KIAA1217: variants seen among roughly 807,000 people sequenced by gnomAD.
KIAA1217 encodes KIAA1217, also known as sickle tail protein homolog.
Under a neutral mutation model 163.9 loss-of-function variants are expected in KIAA1217, and 88 were observed. The ratio of observed to expected loss-of-function variants is 0.54; its 90% CI spans 0.45 to 0.64. The LOEUF (loss-of-function observed/expected upper bound fraction) is 0.64, where lower values mean the gene tolerates loss of function less well. Ranked by LOEUF, KIAA1217 falls within the 30% of genes least tolerant of loss-of-function variation. KIAA1217 has a pLI of 0.00. For synonymous variants in KIAA1217, 903 were observed against 923.1 expected, an observed-to-expected ratio of 0.98 and a Z score of 0.39; for missense variants, 2,372 against 2,475.0, an observed-to-expected ratio of 0.96 and a Z score of 0.88.
Position 24,345,736 on chromosome 10 carries a change from T to TG in KIAA1217, c.355-35126dup, listed in dbSNP as rs563189578. Among the ~76,000 whole-genome samples the TG allele has an allele frequency of 1.9e-4, 29 of 152,214 alleles. No homozygotes were observed. The East Asian group carries it at 2.9e-3, about 15-fold the overall frequency. Reference sequence around the variant, plus strand: ...CTAGGAGTTGGTGATTTTTTTTGGGTGGGGGGGTCGCTTTTTTCCCCCTTT... The same window carrying TG: ...CTAGGAGTTGGTGATTTTTTTTGGGTGGGGGGGGTCGCTTTTTTCCCCCTTT... On this transcript the variant is annotated intron_variant, in intron 2 of 20. Coordinates refer to ENST00000376454, the MANE Select transcript of KIAA1217 (RefSeq NM_019590.5).
In KIAA1217 at chr10:24,533,181, T is replaced by A. The variant is rs2073381344; in HGVS notation, c.3358T>A (p.Ser1120Thr). 12 of 1,613,400 alleles carry A rather than the reference T, an allele frequency of 7.4e-6. No individual in the cohort carries two copies. Among genetic ancestry groups the A allele is most frequent in the Non-Finnish European group, 1.0e-5 (12 of 1,179,794 alleles). The change falls in exon 16 of 21, where the codon TCA becomes ACA. Residue 1120 changes from serine (S) to threonine (T), a missense_variant. Physicochemically the swap from Ser to Thr is moderately conservative, Grantham distance 58 (BLOSUM62 1). Coordinates refer to ENST00000376454, the MANE Select transcript of KIAA1217 (RefSeq NM_019590.5). ...CCCACCGCCTGTCACCACCTCCTCC[T>A]CAAAGGATGAGGAGGAAGAAGAAGA... ...PSPPPVTTSSSKDEEEEEEEG... is the reference protein window; with the variant it reads ...PSPPPVTTSSTKDEEEEEEEG...
chr10:24,057,782 C>A (rs1016748649), intron 2 of KIAA1217, among the ~76,000 whole-genome samples: 7 of 152,052 alleles, frequency 4.6e-5, no homozygotes, highest in Admixed American at 1.3e-4. Flanking sequence ...GTAGGTGTTC[C>A]TTACCTACTT....
intron 2 of KIAA1217, among the ~76,000 whole-genome samples, chr10:24,193,896 A>ATT (rs1454765577): frequency 6.6e-6 from 1 of 151,030 alleles, no homozygotes; most frequent in Non-Finnish European, 1.5e-5. Flanking sequence ...TTTGGAGATA[A>ATT]TTTAAAATAG....
chr10:23,829,059 T>G (rs948753826), intron 1 of KIAA1217, among the ~76,000 whole-genome samples: 3 of 152,164 alleles, frequency 2.0e-5, no homozygotes, highest in Non-Finnish European at 2.9e-5. Context: ...CCTAAGCACT[T>G]TTGCTTAAGG....
At chr10:24,104,433 C>A (rs1195239462) in intron 2 of KIAA1217, among the ~76,000 whole-genome samples, 1 of 152,048 alleles carries the variant, frequency 6.6e-6, no homozygotes, top group Admixed American at 6.5e-5. Context: ...AAATATATGA[C>A]ATAGGTCTCT....
intron 2 of KIAA1217, among the ~76,000 whole-genome samples, chr10:24,335,137 G>C (rs1036932446): frequency 2.6e-5 from 4 of 152,082 alleles, no homozygotes; most frequent in Non-Finnish European, 5.9e-5. Flanking sequence ...TACGCTATGG[G>C]AAAAAAGCCA....
intron 2 of KIAA1217, among the ~76,000 whole-genome samples, chr10:24,192,763 TTA>T (rs1183362674): frequency 1.3e-5 from 2 of 152,168 alleles, no homozygotes; most frequent in Non-Finnish European, 2.9e-5. Context: ...CTTGGGAAGA[TTA>T]TGTTATTTGG....
At chr10:23,777,318 T>G (rs1189223805) in intron 1 of KIAA1217, among the ~76,000 whole-genome samples, 1 of 152,246 alleles carries the variant, frequency 6.6e-6, no homozygotes, top group Non-Finnish European at 1.5e-5. Context: ...TCTATACAGC[T>G]TTTCTTTTCC....
At chr10:23,875,678 G>A (rs1227168993) in intron 1 of KIAA1217, among the ~76,000 whole-genome samples, 6 of 152,012 alleles carry the variant, frequency 3.9e-5, no homozygotes, top group Non-Finnish European at 7.4e-5. Context: ...ATTCACAATA[G>A]CAAAGACTTG....
Position 23,745,521 on chromosome 10 carries a change from T to C in KIAA1217, c.-321+50287T>C, listed in dbSNP as rs555956107. Among the ~76,000 whole-genome samples, 4 of 152,310 alleles carry C rather than the reference T, an allele frequency of 2.6e-5. No individual in the cohort carries two copies. The East Asian group carries it at 5.8e-4, about 22-fold the overall frequency. ...GAAATTGGCAATAGACTTCAATACA[T>C]GATGTTTCCGTGTGTCCTGCTGAGA... On this transcript the variant is annotated intron_variant, in intron 1 of 18. Coordinates refer to the KIAA1217 transcript ENST00000376462.
At chr10:24,157,291 T>A (rs1379809158) in intron 2 of KIAA1217, among the ~76,000 whole-genome samples, 1 of 152,240 alleles carries the variant, frequency 6.6e-6, no homozygotes, top group Non-Finnish European at 1.5e-5. Flanking sequence ...CATCCTTTTA[T>A]CTTTCAGATG....
intron 2 of KIAA1217, among the ~76,000 whole-genome samples, chr10:24,067,951 G>C (rs143562041): frequency 6.6e-6 from 1 of 152,214 alleles, no homozygotes; most frequent in African/African-American, 2.4e-5. Flanking sequence ...CCTTGTGCAG[G>C]ATATAATCTC....
chr10:24,412,556 A>G (rs1249562561), intron 3 of KIAA1217, among the ~76,000 whole-genome samples: 1 of 152,192 alleles, frequency 6.6e-6, no homozygotes, highest in Non-Finnish European at 1.5e-5. Context: ...ATCACATGGT[A>G]GACCATGTCC....
chr10:23,764,507 C>A (rs946951881), intron 1 of KIAA1217, among the ~76,000 whole-genome samples: 1 of 152,146 alleles, frequency 6.6e-6, no homozygotes, highest in Admixed American at 6.5e-5. Flanking sequence ...ATGTTTACTA[C>A]AGCACTATTT....
intron 17 of KIAA1217, among the ~76,000 whole-genome samples, chr10:24,540,560 G>A (rs2074878049): frequency 6.6e-6 from 1 of 152,094 alleles, no homozygotes; most frequent in Non-Finnish European, 1.5e-5. Context: ...GAATGGCACA[G>A]GCCATGACCA....
chr10:24,227,948 C>T (rs1180165649), intron 2 of KIAA1217, among the ~76,000 whole-genome samples: 1 of 152,130 alleles, frequency 6.6e-6, no homozygotes, highest in Non-Finnish European at 1.5e-5. Context: ...AGGGTCCCCT[C>T]CTCAACCATC....
chr10:24,126,419 C>A (rs374225846), intron 2 of KIAA1217, among the ~76,000 whole-genome samples: 58 of 152,198 alleles, frequency 3.8e-4, no homozygotes, highest in African/African-American at 1.3e-3. Context: ...TCACTTAAAA[C>A]ATGTTAGATA....
chr10:24,013,733 C>G (rs1847350337), intron 2 of KIAA1217, among the ~76,000 whole-genome samples: 1 of 152,098 alleles, frequency 6.6e-6, no homozygotes, highest in Non-Finnish European at 1.5e-5. Flanking sequence ...CAAATAAAAT[C>G]TTACACCTGA....
At chr10:23,833,850 A>G (rs1838326856) in intron 1 of KIAA1217, among the ~76,000 whole-genome samples, 1 of 151,950 alleles carries the variant, frequency 6.6e-6, no homozygotes, top group Admixed American at 6.6e-5. Context: ...ATTTTTAAAT[A>G]TATATTTTTT....
Sources: gnomAD v4.1 joint callset for allele counts (sites outside exome capture counted in the v4.1 genomes callset) on GRCh38, gnomAD v4.1.1 for gene constraint, MANE v1.5 for transcripts, NCBI Gene and HGNC (gene_info 2026-07-23, HGNC 2026-07-21) for gene names.